The following OTUD7B variants were observed in gnomAD, a reference collection of about 807,000 sequenced individuals.
The protein encoded by OTUD7B is OTU domain-containing protein 7B.
A neutral mutation model predicts 82.2 loss-of-function variants in OTUD7B; 34 were observed. That is an observed-to-expected ratio of 0.41 (90% CI 0.31 to 0.55). OTUD7B has a LOEUF of 0.55. Among genes scored for constraint, OTUD7B ranks in the 20% least tolerant of loss-of-function variants. The probability of loss-of-function intolerance (pLI) is 0.20; values close to 1 mark genes in which losing one functional copy is unlikely to be tolerated. For missense variants in OTUD7B, 944 were observed against 1,062.1 expected, an observed-to-expected ratio of 0.89 and a Z score of 1.55; for synonymous variants, 398 against 402.7, an observed-to-expected ratio of 0.99 and a Z score of 0.14.
At chr1:150,011,978 G>T (rs1571754569), upstream of OTUD7B, among the ~76,000 whole-genome samples, 2 of 152,346 alleles carry the variant, frequency 1.3e-5, no homozygotes, top group South Asian at 4.1e-4. Flanking sequence ...ATACACCTGG[G>T]TTTACAATCG....
At chr1:150,003,731 G>T (rs587596622) in intron 1 of OTUD7B, among the ~76,000 whole-genome samples, 16 of 152,234 alleles carry the variant, frequency 1.1e-4, no homozygotes, top group African/African-American at 3.6e-4. Context: ...ACGTGTTTAG[G>T]TTTATCAGTA....
chr1:150,033,485 A>G, the OTUD7B span, among the ~76,000 whole-genome samples: 1 of 152,104 alleles, frequency 6.6e-6, no homozygotes, highest in African/African-American at 2.4e-5. Flanking sequence ...CAACACTTCA[A>G]TATTATCCAG....
At chr1:149,948,339 A>T (rs587719834) in intron 10 of OTUD7B, among the ~76,000 whole-genome samples, 1 of 150,984 alleles carries the variant, frequency 6.6e-6, no homozygotes, top group South Asian at 2.1e-4. Flanking sequence ...CACTTGGGCT[A>T]AGACATGTGA....
intron 1 of OTUD7B, among the ~76,000 whole-genome samples, chr1:150,003,068 G>A (rs1036958252): frequency 5.3e-5 from 8 of 152,136 alleles, no homozygotes; most frequent in African/African-American, 1.9e-4. Context: ...GGCTAACATG[G>A]TGAAACCCCG....
the OTUD7B span, among the ~76,000 whole-genome samples, chr1:150,060,365 TGAGAA>T: frequency 6.6e-6 from 1 of 151,402 alleles, no homozygotes; most frequent in Middle Eastern, 3.2e-3. Context: ...GGTGTCCTTA[TGAGAA>T]GAGATTAGGA....
At chr1:150,050,291 A>G in the OTUD7B span, among the ~76,000 whole-genome samples, 1 of 152,360 alleles carries the variant, frequency 6.6e-6, no homozygotes, top group Non-Finnish European at 1.5e-5. Flanking sequence ...GTAAAAATAA[A>G]TAAAAGAAAT....
chr1:150,022,770 A>G, the OTUD7B span, among the ~76,000 whole-genome samples: 1 of 152,216 alleles, frequency 6.6e-6, no homozygotes, highest in African/African-American at 2.4e-5. Context: ...ACTCTTTAGT[A>G]TCCCACCAGA....
chr1:150,011,159 A>T (rs587764652), upstream of OTUD7B, among the ~76,000 whole-genome samples: 99 of 152,314 alleles, frequency 6.5e-4, no homozygotes, highest in African/African-American at 2.3e-3. Flanking sequence ...ACCAGTCTCC[A>T]CCCAATTATA....
chr1:149,998,668 T>C (rs1443258947), intron 1 of OTUD7B, among the ~76,000 whole-genome samples: 1 of 152,246 alleles, frequency 6.6e-6, no homozygotes, highest in South Asian at 2.1e-4. Flanking sequence ...CTTGTATTAC[T>C]ATTTATCTAT....
intron 1 of OTUD7B, among the ~76,000 whole-genome samples, chr1:149,983,322 C>A (rs782333743): frequency 6.6e-6 from 1 of 151,850 alleles, no homozygotes; most frequent in Admixed American, 6.5e-5. Flanking sequence ...AAGCTTCCAG[C>A]ATGGAGGAAA....
chr1:150,059,564 T>C, the OTUD7B span, among the ~76,000 whole-genome samples: 1 of 151,864 alleles, frequency 6.6e-6, no homozygotes, highest in Admixed American at 6.6e-5. Context: ...AGACGGGGTT[T>C]TTCCATGTTG....
the OTUD7B span, among the ~76,000 whole-genome samples, chr1:150,030,994 C>T: frequency 6.6e-6 from 1 of 152,010 alleles, no homozygotes; most frequent in Non-Finnish European, 1.5e-5. Context: ...GCTGGGTCCT[C>T]GAACTCCTGA....
At chr1:149,952,128 C>A (rs1553773613) in intron 7 of OTUD7B, among the ~76,000 whole-genome samples, 1 of 151,976 alleles carries the variant, frequency 6.6e-6, no homozygotes, top group African/African-American at 2.4e-5. Flanking sequence ...TATACATATG[C>A]CACGTTGGTG....
intron 5 of OTUD7B, among the ~76,000 whole-genome samples, chr1:149,964,885 C>T (rs182486349): frequency 4.9e-5 from 7 of 142,674 alleles, no homozygotes; most frequent in Admixed American, 4.9e-4. Context: ...TGAGCCACCA[C>T]GCCTGACCTT....
At chr1:150,054,343 GGTGATTTTCCTGAA>G in the OTUD7B span, 1 of 523,506 alleles carries the variant, frequency 1.9e-6, no homozygotes, top group South Asian at 1.5e-5. Context: ...GGGGCAAGAG[GGTGATTTTCCTGAA>G]GCAGCTGGCT....
chr1:149,989,012 T>C (rs1651378928), intron 1 of OTUD7B, among the ~76,000 whole-genome samples: 1 of 152,194 alleles, frequency 6.6e-6, no homozygotes. Flanking sequence ...CTTTAGTCAT[T>C]TCACTATAAA....
chr1:150,040,320 A>G, the OTUD7B span, among the ~76,000 whole-genome samples: 1 of 152,220 alleles, frequency 6.6e-6, no homozygotes, highest in Non-Finnish European at 1.5e-5. Context: ...ATTCAATTCA[A>G]CAAATATTCA....
chr1:149,961,264 A>T (rs1407334470), intron 6 of OTUD7B: 1 of 152,146 alleles, frequency 6.6e-6, no homozygotes, highest in Non-Finnish European at 1.5e-5. Context: ...CTCAGGTATC[A>T]TTCCTCCAAA....
chr1:149,998,533 C>T (rs1043798705), intron 1 of OTUD7B, among the ~76,000 whole-genome samples: 1 of 152,166 alleles, frequency 6.6e-6, no homozygotes, highest in Non-Finnish European at 1.5e-5. Flanking sequence ...AATGTTTCCC[C>T]GCTATATTTC....
Sources: gnomAD v4.1 joint callset for allele counts (sites outside exome capture counted in the v4.1 genomes callset) on GRCh38, gnomAD v4.1.1 for gene constraint, MANE v1.5 for transcripts, NCBI Gene and HGNC (gene_info 2026-07-23, HGNC 2026-07-21) for gene names.